Variants in SNTG1 observed in about 807,000 individuals in gnomAD.
The protein encoded by SNTG1 is syntrophin gamma 1, also known as gamma-1-syntrophin.
A neutral mutation model predicts 74.7 loss-of-function variants in SNTG1; 39 were observed. That is an observed-to-expected ratio of 0.52 (90% CI 0.40 to 0.68). The LOEUF is 0.68. SNTG1 is among the 30% of genes least tolerant of loss of function. The probability of loss-of-function intolerance (pLI) is 0.00; values close to 1 mark genes in which losing one functional copy is unlikely to be tolerated. For missense variants in SNTG1, 685 were observed against 609.5 expected, an observed-to-expected ratio of 1.12 and a Z score of -1.30; for synonymous variants, 254 against 217.1, an observed-to-expected ratio of 1.17 and a Z score of -1.49.
At chr8:50,134,744 G>A (rs975642815) in intron 1 of SNTG1, among the ~76,000 whole-genome samples, 1 of 151,802 alleles carries the variant, frequency 6.6e-6, no homozygotes, top group African/African-American at 2.4e-5. Flanking sequence ...TAGAAGAAGG[G>A]GCATACTTGA....
At chr8:50,767,093 G>T (rs980193573) in intron 18 of SNTG1, among the ~76,000 whole-genome samples, 1 of 151,834 alleles carries the variant, frequency 6.6e-6, no homozygotes, top group Non-Finnish European at 1.5e-5. Flanking sequence ...GGTGAAAATG[G>T]TTCAGAATAG....
chr8:50,700,965 T>C (rs369934015), intron 15 of SNTG1, among the ~76,000 whole-genome samples: 2 of 152,260 alleles, frequency 1.3e-5, no homozygotes, highest in East Asian at 3.9e-4. Flanking sequence ...TTGGGTAATA[T>C]AACAGAAGAT....
intron 2 of SNTG1, among the ~76,000 whole-genome samples, chr8:50,233,509 G>T (rs1390173301): frequency 6.6e-6 from 1 of 151,644 alleles, no homozygotes; most frequent in Non-Finnish European, 1.5e-5. Flanking sequence ...CCTAGAGTTT[G>T]GTTAAGACTT....
intron 9 of SNTG1, among the ~76,000 whole-genome samples, chr8:50,518,130 TAAG>T (rs772457132): frequency 1.8e-4 from 28 of 152,130 alleles, no homozygotes; most frequent in Non-Finnish European, 3.5e-4. Flanking sequence ...GGCAATCAAA[TAAG>T]AACTCAGGAT....
chr8:50,016,842 T>C (rs1267276933), intron 1 of SNTG1, among the ~76,000 whole-genome samples: 1 of 152,070 alleles, frequency 6.6e-6, no homozygotes, highest in African/African-American at 2.4e-5. Flanking sequence ...AAACAGCAAA[T>C]TCCACCAATA....
At chr8:50,235,755 TCTTTCCCTAAA>T (rs2085858053) in intron 2 of SNTG1, among the ~76,000 whole-genome samples, 2 of 152,156 alleles carry the variant, frequency 1.3e-5, no homozygotes, top group Non-Finnish European at 1.5e-5. Context: ...TTGTAGGTGT[TCTTTCCCTAAA>T]TGCATGGGAA....
chr8:50,545,032 A>C (rs1397129898), intron 11 of SNTG1, among the ~76,000 whole-genome samples: 1 of 152,022 alleles, frequency 6.6e-6, no homozygotes. Flanking sequence ...GGTTGATTTC[A>C]TATTTTGACT....
At chr8:50,611,258 T>C (rs2094847878) in intron 13 of SNTG1, among the ~76,000 whole-genome samples, 1 of 152,134 alleles carries the variant, frequency 6.6e-6, no homozygotes, top group African/African-American at 2.4e-5. Context: ...ATCATCTCAC[T>C]CTCCTTCTTC....
intron 1 of SNTG1, among the ~76,000 whole-genome samples, chr8:49,988,727 T>C (rs528834891): frequency 1.3e-5 from 2 of 152,084 alleles, no homozygotes; most frequent in African/African-American, 4.8e-5. Flanking sequence ...TAAGTGAAAA[T>C]GAAGTCACAA....
chr8:50,704,483 A>G (rs2095436650), intron 15 of SNTG1, 117 bp from the exon 16 acceptor site: 10 of 1,282,942 alleles, frequency 7.8e-6, no homozygotes, highest in African/African-American at 1.5e-5. Flanking sequence ...GACTTGGTGA[A>G]TTCGCAGAGT....
intron 1 of SNTG1, among the ~76,000 whole-genome samples, chr8:49,931,526 A>G (rs1266925473): frequency 6.6e-6 from 1 of 152,230 alleles, no homozygotes; most frequent in Non-Finnish European, 1.5e-5. Context: ...CATGCAGCAA[A>G]CCTGCACATG....
At chr8:50,118,185 T>G (rs969163581) in intron 1 of SNTG1, among the ~76,000 whole-genome samples, 9 of 152,134 alleles carry the variant, frequency 5.9e-5, no homozygotes, top group African/African-American at 2.2e-4. Flanking sequence ...GCATTGGAAG[T>G]GTTTGACCCA....
chr8:50,687,164 A>G (rs2095356237), intron 15 of SNTG1, among the ~76,000 whole-genome samples: 1 of 151,364 alleles, frequency 6.6e-6, no homozygotes, highest in South Asian at 2.1e-4. Flanking sequence ...TAAAATAAAC[A>G]TGAAAACAAT....
intron 1 of SNTG1, among the ~76,000 whole-genome samples, chr8:50,104,147 T>C (rs1296515946): frequency 6.6e-6 from 1 of 152,198 alleles, no homozygotes; most frequent in Non-Finnish European, 1.5e-5. Flanking sequence ...TACCAGTTCC[T>C]CCTTGTACCT....
At chr8:50,011,539 A>C (rs1815795186) in intron 1 of SNTG1, among the ~76,000 whole-genome samples, 1 of 152,082 alleles carries the variant, frequency 6.6e-6, no homozygotes. Flanking sequence ...TACTAGCTAA[A>C]TATTAAATTG....
Position 50,459,724 on chromosome 8 carries a change from G to A in SNTG1, c.363+8995G>A, listed in dbSNP as rs1249246025. Among the ~76,000 whole-genome samples, 8 of 152,158 alleles carry A rather than the reference G, an allele frequency of 5.3e-5. No homozygotes were observed. In the East Asian group the frequency reaches 1.5e-3, roughly 29 times the overall value. ...ATTGCTGCCATCTTTGTGTCCATGA[G>A]TACCCGATGTTTAGCTCCCACTTAC... On this transcript the variant is annotated intron_variant, in intron 8 of 18. Coordinates refer to ENST00000642720, the MANE Select transcript of SNTG1 (RefSeq NM_018967.5).
intron 13 of SNTG1, among the ~76,000 whole-genome samples, chr8:50,595,864 T>C (rs2094723877): frequency 6.6e-6 from 1 of 152,062 alleles, no homozygotes; most frequent in Admixed American, 6.6e-5. Flanking sequence ...TTGTGTATTG[T>C]GTATTATCCC....
chr8:50,783,431 C>T (rs937858192), intron 18 of SNTG1, among the ~76,000 whole-genome samples: 6 of 152,216 alleles, frequency 3.9e-5, no homozygotes, highest in African/African-American at 1.4e-4. Context: ...CTCACTGCTG[C>T]CTTGCAGTTT....
intron 2 of SNTG1, among the ~76,000 whole-genome samples, chr8:50,372,224 G>A (rs894243411): frequency 7.3e-5 from 11 of 151,702 alleles, no homozygotes; most frequent in Non-Finnish European, 2.9e-5. Context: ...CTCTGTGTGT[G>A]TGTGTGTGTG....
Sources: allele counts gnomAD v4.1 joint callset (sites outside exome capture counted in the v4.1 genomes callset), GRCh38; gene constraint gnomAD v4.1.1; transcripts MANE v1.5; gene names NCBI Gene and HGNC (gene_info 2026-07-23, HGNC 2026-07-21).